DNAH7: variants seen among roughly 807,000 people sequenced by gnomAD.
DNAH7 encodes axonemal beta dynein heavy chain 7.
A neutral mutation model predicts 444.6 loss-of-function variants in DNAH7; 397 were observed. The ratio of observed to expected loss-of-function variants is 0.89; its 90% CI spans 0.82 to 0.97. The LOEUF is 0.97. Among genes scored for constraint, DNAH7 ranks in the 50% least tolerant of loss-of-function variants. DNAH7 has a pLI of 0.00. For synonymous variants in DNAH7, 1,636 were observed against 1,624.4 expected (o/e 1.01, Z -0.17); for missense variants, 4,902 against 4,800.8 (o/e 1.02, Z -0.62).
intron 47 of DNAH7, among the ~76,000 whole-genome samples, chr2:195,834,698 A>C (rs145364671): frequency 3.3e-5 from 5 of 152,334 alleles, no homozygotes; most frequent in Non-Finnish European, 4.4e-5. Context: ...CGTTGGAAAT[A>C]AGGAAACTCC....
chr2:195,886,077 G>T, intron 34 of DNAH7, 64 bp downstream of exon 34: 1 of 1,513,330 alleles, frequency 6.6e-7, no homozygotes, highest in Non-Finnish European at 8.8e-7. Context: ...AAATTAGGAA[G>T]CTTTGGGGAA....
chr2:195,830,256 A>T (rs1697996588), intron 48 of DNAH7, among the ~76,000 whole-genome samples: 1 of 152,212 alleles, frequency 6.6e-6, no homozygotes, highest in South Asian at 2.1e-4. Context: ...CCAAGCACAC[A>T]GCCACTAATA....
At chr2:195,918,251 A>G (rs1687807317) in intron 24 of DNAH7, among the ~76,000 whole-genome samples, 1 of 152,246 alleles carries the variant, frequency 6.6e-6, no homozygotes, top group African/African-American at 2.4e-5. Flanking sequence ...CTACACATCT[A>G]TTAGAATGAC....
At chr2:195,899,070 C>A (rs1686530742) in intron 28 of DNAH7, among the ~76,000 whole-genome samples, 1 of 152,178 alleles carries the variant, frequency 6.6e-6, no homozygotes, top group African/African-American at 2.4e-5. Context: ...TGTGTGATGC[C>A]TAGCAGTCAG....
chr2:195,852,467 CTT>C (rs1036459488), intron 46 of DNAH7, among the ~76,000 whole-genome samples: 1 of 152,136 alleles, frequency 6.6e-6, no homozygotes, highest in Non-Finnish European at 1.5e-5. Flanking sequence ...GAATTCCTCC[CTT>C]CTTTTATTCT....
At chr2:195,829,076 T>C (rs966418237) in intron 48 of DNAH7, among the ~76,000 whole-genome samples, 1 of 152,184 alleles carries the variant, frequency 6.6e-6, no homozygotes, top group African/African-American at 2.4e-5. Context: ...TCTGAAAAGT[T>C]TGTCTTTTTC....
chr2:196,020,850 G>T (rs1162335775), intron 8 of DNAH7, among the ~76,000 whole-genome samples: 1 of 152,114 alleles, frequency 6.6e-6, no homozygotes, highest in African/African-American at 2.4e-5. Context: ...GACCTCAAGT[G>T]ATCTGCTCTT....
At chr2:195,803,795 A>G (rs1696584481) in intron 54 of DNAH7, among the ~76,000 whole-genome samples, 1 of 152,246 alleles carries the variant, frequency 6.6e-6, no homozygotes, top group South Asian at 2.1e-4. Context: ...TACCATTTTG[A>G]AGGACAGAAC....
At chr2:195,778,643 A>AAAAAAAT (rs1553518206) in intron 58 of DNAH7, among the ~76,000 whole-genome samples, 1 of 56,254 alleles carries the variant, frequency 1.8e-5, no homozygotes, top group Non-Finnish European at 2.9e-5. Context: ...TAAATAAATA[A>AAAAAAAT]ATATATATAT....
chr2:195,881,464 T>A (rs561531594), intron 36 of DNAH7, among the ~76,000 whole-genome samples: 5 of 152,326 alleles, frequency 3.3e-5, no homozygotes, highest in Admixed American at 2.0e-4. Context: ...TTAGAAAATA[T>A]CAAGTGTAAC....
chr2:195,777,778 T>C, intron 59 of DNAH7, 22 bp downstream of exon 59: 1 of 1,576,700 alleles, frequency 6.3e-7, no homozygotes, highest in Non-Finnish European at 8.6e-7. Context: ...CTGCTTTTAG[T>C]TTTTTTGAAG....
At chr2:196,015,981 C>A (rs1266751728) in intron 9 of DNAH7, among the ~76,000 whole-genome samples, 2 of 152,236 alleles carry the variant, frequency 1.3e-5, no homozygotes, top group African/African-American at 4.8e-5. Flanking sequence ...TGTGTCTTTA[C>A]CATGGATGCC....
chr2:195,971,936 G>A (rs1362487195), intron 16 of DNAH7, among the ~76,000 whole-genome samples: 1 of 152,078 alleles, frequency 6.6e-6, no homozygotes, highest in Admixed American at 6.6e-5. Flanking sequence ...AATTATGTAA[G>A]ATAAATACTA....
Position 195,972,417 on chromosome 2 carries a change from C to T in DNAH7, c.1883G>A (p.Arg628Lys), listed in dbSNP as rs957164910. The change falls in exon 16 of 65, where the codon AGA (arginine) becomes AAA (lysine). Residue 628 changes from arginine to lysine, a missense_variant. Arg to Lys is a conservative substitution (Grantham distance 26). Transcript: ENST00000312428. ...GAGGCAGTTTTTGGAATCCACTAAT[C>T]TCTGTTCTAGTTCAATCATATCAGT... The part of the protein sequence containing the change: ...EVTDMIELEQ[R>K]LVDSKNCLAF... 2 of 1,613,982 alleles carry T rather than the reference C, an allele frequency of 1.2e-6. No homozygotes were observed. The highest frequency in any genetic ancestry group is 1.7e-6 in the Non-Finnish European group (2 of 1,180,010).
At chr2:195,850,300 G>A (rs1699282372) in intron 46 of DNAH7, among the ~76,000 whole-genome samples, 1 of 151,542 alleles carries the variant, frequency 6.6e-6, no homozygotes, top group African/African-American at 2.4e-5. Context: ...AAAAAAAAGG[G>A]GAGAGAGAGA....
At position 195,990,811 on chromosome 2, in the gene DNAH7, G is replaced by GTA. The variant is rs772571749; in HGVS notation, c.1354-2584_1354-2583dup. Among the ~76,000 whole-genome samples the GTA allele has an allele frequency of 9.6e-4, 77 of 80,086 alleles. 1 individual carries two copies. Among genetic ancestry groups the GTA allele is most frequent in the African/African-American group, 2.8e-3 (73 of 26,454 alleles). 52.5% of individuals were successfully genotyped at this position (80,086 alleles called of 152,430 possible). A position where few individuals can be genotyped will look rare whatever the true frequency, so the allele number is the denominator to read the frequency against. ...TGTGTGTGTGTGTGTGTGTGTGTGT[G>GTA]TATATATATATACTTAAATATATAT... is the stretch of plus-strand genomic sequence containing the variant. On this transcript the variant is annotated intron_variant, in intron 12 of 64. Coordinates refer to ENST00000312428, the MANE Select transcript of DNAH7 (RefSeq NM_018897.3).
intron 48 of DNAH7, among the ~76,000 whole-genome samples, chr2:195,830,247 C>A (rs776879909): frequency 1.7e-4 from 26 of 152,108 alleles, no homozygotes; most frequent in Non-Finnish European, 3.2e-4. Flanking sequence ...ACTAGGAATC[C>A]AAGCACACAG....
chr2:196,001,013 A>G (rs1694000543), intron 11 of DNAH7, 130 bp from the exon 12 acceptor site: 1 of 633,226 alleles, frequency 1.6e-6, no homozygotes, highest in South Asian at 3.5e-5. Flanking sequence ...TAAGCCAAGG[A>G]GGAGCTCTAA....
chr2:195,811,776 G>C (rs1553523039), intron 51 of DNAH7, among the ~76,000 whole-genome samples: 1 of 149,194 alleles, frequency 6.7e-6, no homozygotes, highest in Non-Finnish European at 1.5e-5. Flanking sequence ...AGAAGTGAAA[G>C]AAAAAAAAAA....
Sources: allele counts gnomAD v4.1 joint callset (sites outside exome capture counted in the v4.1 genomes callset), GRCh38; gene constraint gnomAD v4.1.1; transcripts MANE v1.5; gene names NCBI Gene and HGNC (gene_info 2026-07-23, HGNC 2026-07-21).